The following FKBP15 variants were observed in gnomAD, a reference collection of about 807,000 sequenced individuals.
FKBP15 encodes the protein FKBP prolyl isomerase family member 15, also known as FK506-binding protein 15.
Under a neutral mutation model 158.1 loss-of-function variants are expected in FKBP15, and 106 were observed. That is an observed-to-expected ratio of 0.67 (90% CI 0.57 to 0.79). The LOEUF (loss-of-function observed/expected upper bound fraction) is 0.79. Ranked by LOEUF, FKBP15 falls within the 30% of genes least tolerant of loss-of-function variation. The pLI, the probability that FKBP15 is intolerant of heterozygous loss-of-function variation, is 0.00. For synonymous variants in FKBP15, 547 were observed against 548.6 expected, an observed-to-expected ratio of 1.00 and a Z score of 0.04; for missense variants, 1,287 against 1,479.1, an observed-to-expected ratio of 0.87 and a Z score of 2.13.
chr9:113,218,377 T>TTATATATATATATA lies in FKBP15; in HGVS notation c.53+2800_53+2813dup, dbSNP rs10539484. ...ACCTCATAGAGAGGAGTAAATACAA[T>TTATATATATATATA]TATATATATATATATATATATATAT... is the stretch of plus-strand genomic sequence containing the variant. On this transcript the variant is annotated intron_variant, in intron 1 of 27. Coordinates refer to ENST00000238256, the MANE Select transcript of FKBP15 (RefSeq NM_015258.2). Among the ~76,000 whole-genome samples, 63 of 101,472 alleles carry TTATATATATATATA rather than the reference T, an allele frequency of 6.2e-4. 3 individuals carry two copies. The highest frequency in any genetic ancestry group is 8.3e-4 in the Non-Finnish European group (41 of 49,388). The allele number at this position is 101,472 out of a possible 152,430, so 66.6% of individuals were successfully genotyped here. A position where few individuals can be genotyped will look rare whatever the true frequency, so the allele number is the denominator to read the frequency against.
In FKBP15 at chr9:113,194,304, A is replaced by C. The variant is rs920922006; in HGVS notation, c.865-135T>G. ...GAGGGGAGGGATAGCATTGGGAGATATACCTAATGCTAGATGACAAGTTAG... is the reference window on the plus strand; with the variant it reads ...GAGGGGAGGGATAGCATTGGGAGATCTACCTAATGCTAGATGACAAGTTAG... On this transcript the variant is annotated intron_variant, in intron 9 of 27. Transcript: ENST00000238256. The C allele has an allele frequency of 4.8e-5, 28 of 588,382 alleles. 1 individual carries two copies. The highest frequency in any genetic ancestry group is 9.2e-5 in the Admixed American group (3 of 32,732). The allele number at this position is 588,382 out of a possible 1,614,324, so 36.4% of individuals were successfully genotyped here. A position where few individuals can be genotyped will look rare whatever the true frequency, so the allele number is the denominator to read the frequency against.
chr9:113,173,645 G>T (rs532219261), intron 22 of FKBP15, 40 bp from the exon 23 acceptor site: 3 of 1,592,662 alleles, frequency 1.9e-6, no homozygotes, highest in Non-Finnish European at 2.6e-6. Flanking sequence ...CCTTGGGGGT[G>T]GGGGAGTGAG....
At chr9:113,179,931 G>A (rs985263273) in intron 19 of FKBP15, among the ~76,000 whole-genome samples, 3 of 152,182 alleles carry the variant, frequency 2.0e-5, no homozygotes, top group African/African-American at 7.2e-5. Flanking sequence ...AAATCTAGAA[G>A]TTCCAGATAT....
chr9:113,197,193 C>T, intron 8 of FKBP15, 115 bp from the exon 9 acceptor site: 1 of 1,322,296 alleles, frequency 7.6e-7, no homozygotes, highest in East Asian at 2.3e-5. Context: ...TCAGTGCCTC[C>T]AGAGGTCGGG....
At position 113,198,727 on chromosome 9, in the gene FKBP15, GAAC is replaced by G. The variant is rs1485450723; in HGVS notation, c.717+125_717+127del. The stretch of plus-strand genomic sequence containing the variant: ...AGATCGTGCCATTGCACTCCAGCTT[GAAC>G]AACAAGAGCGAAACTCCGTCTCAAA... On this transcript the variant is annotated intron_variant, in intron 8 of 27. Coordinates refer to ENST00000238256, the MANE Select transcript of FKBP15 (RefSeq NM_015258.2). The surrounding 1 kb of genome is among the most constrained non-coding windows in gnomAD (Gnocchi z 5.2). The G allele has an allele frequency of 7.2e-6, 5 of 694,744 alleles. No homozygotes were observed. The highest frequency in any genetic ancestry group is 3.0e-5 in the East Asian group (1 of 33,852). 43.0% of individuals were successfully genotyped at this position (694,744 alleles called of 1,614,324 possible). A position where few individuals can be genotyped will look rare whatever the true frequency, so the allele number is the denominator to read the frequency against.
intron 26 of FKBP15, 136 bp from the exon 27 acceptor site, chr9:113,168,692 G>T (rs932456865): frequency 1.4e-6 from 1 of 726,594 alleles, no homozygotes; most frequent in South Asian, 1.7e-5. Context: ...TCCCACCTCC[G>T]CTGCCACCAT....
chr9:113,170,522 C>T lies in FKBP15; in HGVS notation c.2766G>A (p.Lys922=), dbSNP rs765645920. 4.4e-6 allele frequency: 7 copies of T among 1,604,716 alleles called. No individual in the cohort carries two copies. In the East Asian group the frequency reaches 1.6e-4, roughly 36 times the overall value. The change falls in exon 25 of 28, where the codon AAG becomes AAA. Residue 922 remains lysine, a splice_region_variant and synonymous_variant. Transcript: ENST00000238256. The part of the protein sequence containing the change: ...TILGTIMNTI[K]MVTLQLLNQQ... ...ACAAATGACAGCTGGCTGGCTGTAC[C>T]TTGATCGTATTCATGATGGTTCCCA...
chr9:113,170,045 T>C, intron 25 of FKBP15, 103 bp from the exon 26 acceptor site: 7 of 1,409,700 alleles, frequency 5.0e-6, no homozygotes, highest in Non-Finnish European at 6.5e-6. Flanking sequence ...ACTTTGCTTC[T>C]TTCCTGTTAA....
At chr9:113,171,511 A>G in intron 24 of FKBP15, 70 bp downstream of exon 24, 3 of 1,539,880 alleles carry the variant, frequency 1.9e-6, no homozygotes, top group Non-Finnish European at 2.6e-6. Context: ...TATTAACACA[A>G]CATACTGGCC....
Position 113,198,740 on chromosome 9 carries a change from G to A in FKBP15, c.717+115C>T, listed in dbSNP as rs770407764. 45 of 783,920 alleles carry A rather than the reference G, an allele frequency of 5.7e-5. No individual in the cohort carries two copies. Among genetic ancestry groups the A allele is most frequent in the Non-Finnish European group, 8.3e-5 (42 of 507,516 alleles). The allele number at this position is 783,920 out of a possible 1,614,324, so 48.6% of individuals were successfully genotyped here. On this transcript the variant is annotated intron_variant, in intron 8 of 27. Transcript: ENST00000238256. The surrounding 1 kb of genome is among the most constrained non-coding windows in gnomAD (Gnocchi z 5.2). Reference sequence around the variant, plus strand: ...GCACTCCAGCTTGAACAACAAGAGCGAAACTCCGTCTCAAAAAATAAAAAT... The same window carrying A: ...GCACTCCAGCTTGAACAACAAGAGCAAAACTCCGTCTCAAAAAATAAAAAT...
In FKBP15 at chr9:113,162,510, G is replaced by T; in HGVS notation, c.*3568C>A. The T allele has an allele frequency of 2.7e-6, 1 of 372,508 alleles. No homozygotes were observed. The highest frequency in any genetic ancestry group is 4.8e-6 in the Non-Finnish European group (1 of 209,300). 23.1% of individuals were successfully genotyped at this position (372,508 alleles called of 1,614,324 possible). On this transcript the variant is annotated 3_prime_UTR_variant, in exon 28 of 28. Coordinates refer to ENST00000238256, the MANE Select transcript of FKBP15 (RefSeq NM_015258.2). ...ATACCCTCATTTTCCCCTTTGCCTA[G>T]GATGCCAGGAAGCTTGAAACCAAAT...
At chr9:113,187,978 T>C (rs1223313775) in intron 13 of FKBP15, 79 bp from the exon 14 acceptor site, 4 of 1,020,872 alleles carry the variant, frequency 3.9e-6, no homozygotes, top group African/African-American at 3.2e-5. Flanking sequence ...TTACATACTA[T>C]CATGCTTCAG....
Position 113,186,251 on chromosome 9 carries a change from TG to T in FKBP15, c.1495del (p.Gln499LysfsTer11), listed in dbSNP as rs1830483096. On this transcript the variant is annotated frameshift_variant, in exon 15 of 28. Transcript: ENST00000238256. LOFTEE classifies it high-confidence loss of function. ...PAPLSQPPHF[Q>X]GSGDMASFLM... ...AAACTGAGGGAATTACTCCCTACCT[TG>T]GAAATGGGGAGGCTGAGAGAGCGGT... 1 of 1,557,208 alleles carries T rather than the reference TG, an allele frequency of 6.4e-7. No homozygotes were observed. Among genetic ancestry groups the T allele is most frequent in the Non-Finnish European group, 8.7e-7 (1 of 1,149,600 alleles).
chr9:113,179,390 G>A (rs1418903219), intron 19 of FKBP15, among the ~76,000 whole-genome samples: 6 of 152,106 alleles, frequency 3.9e-5, no homozygotes, highest in African/African-American at 7.2e-5. Context: ...AAGGCCGGGC[G>A]CAGTGGCTCG....
In FKBP15 at chr9:113,166,050, G is replaced by T. The variant is rs1372554085; in HGVS notation, c.*28C>A. ...ATCATGCTTAGGGAAGGGTTGCAGA[G>T]AAACCTTTGCACCAGTTTCCTGGGT... On this transcript the variant is annotated 3_prime_UTR_variant, in exon 28 of 28. Coordinates refer to ENST00000238256, the MANE Select transcript of FKBP15 (RefSeq NM_015258.2). 1 of 1,604,782 alleles carries T rather than the reference G, an allele frequency of 6.2e-7. No individual in the cohort carries two copies. The highest frequency in any genetic ancestry group is 1.7e-5 in the Admixed American group (1 of 59,040).
chr9:113,169,961 A>G lies in FKBP15; in HGVS notation c.2767-19T>C, dbSNP rs767926213. On this transcript the variant is annotated intron_variant, in intron 25 of 27. Transcript: ENST00000238256. ...TCACCATCTATTCAAAAGCCAAGGAAGAGATGGTCACTGAAAGGAACACAG... is the reference window on the plus strand; with the variant it reads ...TCACCATCTATTCAAAAGCCAAGGAGGAGATGGTCACTGAAAGGAACACAG... 8.6e-5 allele frequency: 130 copies of G among 1,520,376 alleles called. No individual in the cohort carries two copies. Among genetic ancestry groups the G allele is most frequent in the Admixed American group, 1.8e-4 (9 of 49,174 alleles). The allele number at this position is 1,520,376 out of a possible 1,614,324, so 94.2% of individuals were successfully genotyped here.
Position 113,209,219 on chromosome 9 carries a change from T to A in FKBP15, c.170-1923A>T, listed in dbSNP as rs561194925. On this transcript the variant is annotated intron_variant, in intron 2 of 27. Coordinates refer to ENST00000238256, the MANE Select transcript of FKBP15 (RefSeq NM_015258.2). ...CCAGGAGTTCAAGGCCGTAGTGCAC[T>A]GTGATGGCACCTGTGAATAGCCACT... Among the ~76,000 whole-genome samples, 4 of 152,238 alleles carry A rather than the reference T, an allele frequency of 2.6e-5. No homozygotes were observed. In the East Asian group the frequency reaches 7.7e-4, roughly 29 times the overall value.
intron 19 of FKBP15, among the ~76,000 whole-genome samples, chr9:113,181,789 G>A (rs1830401917): frequency 6.6e-6 from 1 of 152,162 alleles, no homozygotes; most frequent in Non-Finnish European, 1.5e-5. Flanking sequence ...TAAAAGTAGA[G>A]GAAGGAGAAA....
chr9:113,176,735 T>G (rs1830306044), intron 20 of FKBP15, 62 bp from the exon 21 acceptor site: 1 of 1,515,568 alleles, frequency 6.6e-7, no homozygotes. Flanking sequence ...CTATGTGTTA[T>G]CCCAGCAGCT....
Sources: allele counts gnomAD v4.1 joint callset (sites outside exome capture counted in the v4.1 genomes callset), GRCh38; gene constraint gnomAD v4.1.1; non-coding constraint Gnocchi (gnomAD v3.1); transcripts MANE v1.5; gene names NCBI Gene and HGNC (gene_info 2026-07-23, HGNC 2026-07-21).